DNASE1L3: variants seen among roughly 807,000 people sequenced by gnomAD.
DNASE1L3 encodes deoxyribonuclease gamma.
In DNASE1L3, 27 loss-of-function variants were observed where a neutral mutation model predicts 30.9. The ratio of observed to expected loss-of-function variants is 0.87; its 90% CI spans 0.64 to 1.20. DNASE1L3 has a LOEUF of 1.20. Among genes scored for constraint, DNASE1L3 ranks in the 50% most tolerant of loss-of-function variants. DNASE1L3 has a pLI of 0.00. For synonymous variants in DNASE1L3, 135 were observed against 138.0 expected (o/e 0.98, Z 0.15); for missense variants, 364 against 378.2 (o/e 0.96, Z 0.31).
chr3:58,205,261 A>C (rs989490940), intron 3 of DNASE1L3, among the ~76,000 whole-genome samples: 12 of 152,248 alleles, frequency 7.9e-5, no homozygotes, highest in African/African-American at 2.4e-4. Context: ...CCATGGAGCC[A>C]ACCAACAAAT....
rs762203578 is a variant in DNASE1L3, at chr3:58,192,736, C to T, written c.869G>A (p.Ser290Asn). 4.3e-6 allele frequency: 7 copies of T among 1,613,910 alleles called. No individual in the cohort carries two copies. In the Admixed American group the frequency reaches 1.0e-4, roughly 23 times the overall value. ...CTTCCTTAGAGTGACAGATTTTTTG[C>T]TGTTGGTGAAGGCCCTTGAAGACTG... ...KLQSSRAFTN[S>N]KKSVTLRKKT... Residue 290 changes from serine (S) to asparagine (N), a missense_variant, in exon 8 of 8, where the codon AGC becomes AAC. Physicochemically the swap from Ser to Asn is conservative, Grantham distance 46 (BLOSUM62 1). Transcript: ENST00000394549. This position sits in a 1 kb window ranked among gnomAD's most constrained non-coding sequence, Gnocchi z 4.8.
intron 6 of DNASE1L3, among the ~76,000 whole-genome samples, 184 bp from the exon 7 acceptor site, chr3:58,193,623 T>C (rs940345524): frequency 3.3e-5 from 5 of 152,200 alleles, no homozygotes; most frequent in Admixed American, 1.3e-4. Context: ...TGAAATAGGA[T>C]CAGTCCCTGC....
At chr3:58,195,068 A>G (rs1251280607) in intron 6 of DNASE1L3, among the ~76,000 whole-genome samples, 7 of 152,364 alleles carry the variant, frequency 4.6e-5, no homozygotes, top group Non-Finnish European at 1.0e-4. Context: ...AGGGATGTGC[A>G]GGACCAGGCC....
chr3:58,194,178 T>A (rs1255093751), intron 6 of DNASE1L3, among the ~76,000 whole-genome samples: 2 of 152,174 alleles, frequency 1.3e-5, no homozygotes, highest in Admixed American at 6.5e-5. Flanking sequence ...GCAGTTGTGG[T>A]CTACGTGGTC....
chr3:58,194,605 C>T (rs1269554743), intron 6 of DNASE1L3, among the ~76,000 whole-genome samples: 1 of 149,980 alleles, frequency 6.7e-6, no homozygotes, highest in Non-Finnish European at 1.5e-5. Flanking sequence ...CCGGTGTAAG[C>T]CACCGCTCCA....
intron 6 of DNASE1L3, among the ~76,000 whole-genome samples, chr3:58,196,855 T>C (rs1200718760): frequency 6.6e-6 from 1 of 152,244 alleles, no homozygotes; most frequent in East Asian, 1.9e-4. Context: ...GACTTAAATG[T>C]ATGCATTGCA....
Position 58,197,297 on chromosome 3 carries a change from A to T in DNASE1L3, c.704+524T>A, listed in dbSNP as rs989503153. ...AATGTCAGGATTTAAATCCAGGCCT[A>T]TCTGATAGCGAAGCCAGTGCTTACC... On this transcript the variant is annotated intron_variant, in intron 6 of 7. Transcript: ENST00000394549. The surrounding 1 kb of genome is among the most constrained non-coding windows in gnomAD (Gnocchi z 5.3). Among the ~76,000 whole-genome samples the T allele has an allele frequency of 6.6e-6, 1 of 152,300 alleles. No individual in the cohort carries two copies. Among genetic ancestry groups the T allele is most frequent in the African/African-American group, 2.4e-5 (1 of 41,558 alleles).
intron 6 of DNASE1L3, among the ~76,000 whole-genome samples, chr3:58,195,024 C>T (rs2097396411): frequency 1.3e-5 from 2 of 152,220 alleles, no homozygotes; most frequent in Non-Finnish European, 2.9e-5. Context: ...CAAAGAATGA[C>T]ATGTTAAAGG....
chr3:58,193,261 T>C, intron 7 of DNASE1L3, 82 bp downstream of exon 7: 4 of 1,546,938 alleles, frequency 2.6e-6, no homozygotes, highest in Non-Finnish European at 3.6e-6. Flanking sequence ...GAATTTTTCA[T>C]AGAGATGGAG....
At chr3:58,208,534 C>T (rs2097405561) in intron 1 of DNASE1L3, among the ~76,000 whole-genome samples, 1 of 152,102 alleles carries the variant, frequency 6.6e-6, no homozygotes, top group African/African-American at 2.4e-5. Flanking sequence ...TCCCAATCAC[C>T]CTACTAGAAA....
At chr3:58,193,891 G>T (rs2097395667) in intron 6 of DNASE1L3, among the ~76,000 whole-genome samples, 1 of 152,174 alleles carries the variant, frequency 6.6e-6, no homozygotes. Context: ...CGAGCATTCT[G>T]CAGGCAAGAG....
Position 58,204,849 on chromosome 3 carries a change from T to C in DNASE1L3, c.353A>G (p.His118Arg). 6.2e-7 allele frequency: 1 copy of C among 1,614,180 alleles called. No homozygotes were observed. Among genetic ancestry groups the C allele is most frequent in the Non-Finnish European group, 8.5e-7 (1 of 1,180,018 alleles). ...EKLVSVKRSY[H>R]YHDYQDGDAD... ...GTCTCCATCCTGATAGTCATGGTAG[T>C]GATAACTCCTCTTCACAGACACCAG... Residue 118 changes from histidine to arginine, a missense_variant, in exon 4 of 8, where the codon CAC becomes CGC. Physicochemically the swap from His to Arg is conservative, Grantham distance 29 (BLOSUM62 0). Transcript: ENST00000394549.
Position 58,200,762 on chromosome 3 carries a change from G to A in DNASE1L3, c.546+235C>T, listed in dbSNP as rs2097400065. Among the ~76,000 whole-genome samples the A allele has an allele frequency of 6.6e-6, 1 of 152,166 alleles. No homozygotes were observed. The highest frequency in any genetic ancestry group is 2.4e-5 in the African/African-American group (1 of 41,422). ...ACTAGCTATTCACTCAGTAAATGTT[G>A]GCATCTGTTATTAATGGGAAAGTGT... is the stretch of plus-strand genomic sequence containing the variant. On this transcript the variant is annotated intron_variant, in intron 5 of 7. Coordinates refer to ENST00000394549, the MANE Select transcript of DNASE1L3 (RefSeq NM_004944.4). The surrounding 1 kb of genome is among the most constrained non-coding windows in gnomAD (Gnocchi z 4.2).
At chr3:58,201,366 A>G (rs984999323) in intron 4 of DNASE1L3, among the ~76,000 whole-genome samples, 62 of 152,372 alleles carry the variant, frequency 4.1e-4, no homozygotes, top group Admixed American at 3.3e-3. Flanking sequence ...TGTTGTAGAA[A>G]GTAAAAAAGT....
At chr3:58,210,234 GGAAGAAAGAA>G (rs71091352) in intron 1 of DNASE1L3, among the ~76,000 whole-genome samples, 31,065 of 142,326 alleles carry the variant, frequency 0.22, 4,603 homozygotes, top group African/African-American at 0.44. Flanking sequence ...GAAAGAAAAA[GGAAGAAAGAA>G]AAAGAAAGAA....
chr3:58,198,619 A>T (rs1246038522), intron 5 of DNASE1L3, among the ~76,000 whole-genome samples: 1 of 152,232 alleles, frequency 6.6e-6, no homozygotes, highest in Non-Finnish European at 1.5e-5. Context: ...TGCTGTTCTT[A>T]GTCGCCACAT....
intron 4 of DNASE1L3, 76 bp downstream of exon 4, chr3:58,204,693 G>A (rs2097402832): frequency 8.1e-7 from 1 of 1,239,896 alleles, no homozygotes; most frequent in African/African-American, 1.5e-5. Context: ...CTCCTTAATG[G>A]GCTCATGCTC....
intron 6 of DNASE1L3, 75 bp from the exon 7 acceptor site, chr3:58,193,514 G>C: frequency 3.7e-6 from 5 of 1,346,904 alleles, no homozygotes; most frequent in Non-Finnish European, 5.2e-6. Flanking sequence ...GTCTGTGTTT[G>C]CTGTCTGGAA....
intron 1 of DNASE1L3, 43 bp downstream of exon 1, chr3:58,210,723 T>C (rs773849526): frequency 4.3e-6 from 7 of 1,612,942 alleles, no homozygotes; most frequent in Non-Finnish European, 5.1e-6. Context: ...GGAGAGAGGG[T>C]GTGAGGGGTG....
Sources: gnomAD v4.1 joint callset for allele counts (sites outside exome capture counted in the v4.1 genomes callset) on GRCh38, gnomAD v4.1.1 for gene constraint, Gnocchi (gnomAD v3.1) non-coding constraint, MANE v1.5 for transcripts, NCBI Gene and HGNC (gene_info 2026-07-23, HGNC 2026-07-21) for gene names.